Variants in MON1A observed in about 807,000 individuals in gnomAD.
MON1A encodes vacuolar fusion protein MON1 homolog A.
MON1A carries 29 observed loss-of-function variants against 44.6 expected under a neutral mutation model. That is an observed-to-expected ratio of 0.65 (90% CI 0.48 to 0.89). The LOEUF (loss-of-function observed/expected upper bound fraction) is 0.89, where lower values mean the gene tolerates loss of function less well. Among genes scored for constraint, MON1A ranks in the 40% least tolerant of loss-of-function variants. The pLI, the probability that MON1A is intolerant of heterozygous loss-of-function variation, is 0.00. For synonymous variants in MON1A, 275 were observed against 316.4 expected (o/e 0.87, Z 1.39); for missense variants, 615 against 759.6 (o/e 0.81, Z 2.24).
At position 49,929,416 on chromosome 3, in the gene MON1A, G is replaced by A. The variant is rs572709187; in HGVS notation, c.-14+193C>T. On this transcript the variant is annotated intron_variant, in intron 1 of 5. Coordinates refer to ENST00000296473, the MANE Select transcript of MON1A (RefSeq NM_032355.4). Reference sequence around the variant, plus strand: ...TCTCGCCCTCCCAGCCAAAGGATGGGTTCCAGATCTCGCCTTTTGTATTCC... The same window carrying A: ...TCTCGCCCTCCCAGCCAAAGGATGGATTCCAGATCTCGCCTTTTGTATTCC... 7 of 691,760 alleles carry A rather than the reference G, an allele frequency of 1.0e-5. No homozygotes were observed. The East Asian group carries it at 1.7e-4, about 16-fold the overall frequency. 42.9% of individuals were successfully genotyped at this position (691,760 alleles called of 1,614,324 possible). A position where few individuals can be genotyped will look rare whatever the true frequency, so the allele number is the denominator to read the frequency against.
At chr3:49,921,638 C>CTT (rs34960189) in intron 1 of MON1A, among the ~76,000 whole-genome samples, 15 of 129,784 alleles carry the variant, frequency 1.2e-4, no homozygotes, top group Non-Finnish European at 1.8e-4. Context: ...CGTGGTAGCA[C>CTT]TTTTTTTTTT....
Position 49,911,437 on chromosome 3 carries a change from C to G in MON1A, c.613+89G>C. Reference sequence around the variant, plus strand: ...CTTACCCTCAGTCACACAGCACATCCCAGCCCTCTGGTCTGCAGGGGTCCA... The same window carrying G: ...CTTACCCTCAGTCACACAGCACATCGCAGCCCTCTGGTCTGCAGGGGTCCA... On this transcript the variant is annotated intron_variant, in intron 3 of 5. Transcript: ENST00000296473. The surrounding 1 kb of genome is among the most constrained non-coding windows in gnomAD (Gnocchi z 5.7). 2.0e-6 allele frequency: 3 copies of G among 1,509,540 alleles called. No individual in the cohort carries two copies. The highest frequency in any genetic ancestry group is 2.7e-6 in the Non-Finnish European group (3 of 1,131,162). The allele number at this position is 1,509,540 out of a possible 1,614,324, so 93.5% of individuals were successfully genotyped here. A position where few individuals can be genotyped will look rare whatever the true frequency, so the allele number is the denominator to read the frequency against.
chr3:49,910,704 C>T lies in MON1A; in HGVS notation c.794G>A (p.Arg265Gln). The change falls in exon 4 of 6, where the codon CGG (arginine) becomes CAG (glutamine). Residue 265 changes from arginine (R) to glutamine (Q), a missense_variant. By Grantham distance (43) the Arg-to-Gln change is conservative (BLOSUM62 1). Coordinates refer to ENST00000296473, the MANE Select transcript of MON1A (RefSeq NM_032355.4). The surrounding 1 kb of genome is among the most constrained non-coding windows in gnomAD (Gnocchi z 8.0). ...IFQQKQNYDL[R>Q]RLLSGSERIT... Reference sequence around the variant, plus strand: ...GCGCTCTGAGCCCGAGAGTAGGCGCCGCAAATCATAGTTCTGCTTCTGCTG... The same window carrying T: ...GCGCTCTGAGCCCGAGAGTAGGCGCTGCAAATCATAGTTCTGCTTCTGCTG... 1.2e-6 allele frequency: 2 copies of T among 1,613,326 alleles called. No homozygotes were observed. The highest frequency in any genetic ancestry group is 1.7e-6 in the Non-Finnish European group (2 of 1,179,682).
chr3:49,909,422 T>G lies in MON1A; in HGVS notation c.1380-22A>C. 6.2e-7 allele frequency: 1 copy of G among 1,612,696 alleles called. No individual in the cohort carries two copies. The highest frequency in any genetic ancestry group is 1.1e-5 in the South Asian group (1 of 91,018). ...AGGGCTGCAGACAGGGTGGAGGGAGTGGGTTTGCAAAGGAATGACTTCCAC... is the reference window on the plus strand; with the variant it reads ...AGGGCTGCAGACAGGGTGGAGGGAGGGGGTTTGCAAAGGAATGACTTCCAC... On this transcript the variant is annotated intron_variant, in intron 4 of 5. Transcript: ENST00000296473. The surrounding 1 kb of genome is among the most constrained non-coding windows in gnomAD (Gnocchi z 4.0).
Position 49,911,731 on chromosome 3 carries a change from C to T in MON1A, c.408G>A (p.Arg136=). Residue 136 remains arginine (R), a synonymous_variant, in exon 3 of 6, where the codon AGG becomes AGA. Coordinates refer to ENST00000296473, the MANE Select transcript of MON1A (RefSeq NM_032355.4). This position sits in a 1 kb window ranked among gnomAD's most constrained non-coding sequence, Gnocchi z 5.7. ...AVGRPATEPP[R]EGTTEGDEED... is the part of the protein sequence containing the mutation. ...CCTCATCCCCCTCGGTTGTGCCCTCCCTGGGGGGCTCTGTGGCTGGTCGCC... is the reference window on the plus strand; with the variant it reads ...CCTCATCCCCCTCGGTTGTGCCCTCTCTGGGGGGCTCTGTGGCTGGTCGCC... The T allele has an allele frequency of 6.2e-7, 1 of 1,613,786 alleles. No individual in the cohort carries two copies. Among genetic ancestry groups the T allele is most frequent in the South Asian group, 1.1e-5 (1 of 91,078 alleles).
rs949033721 is a variant in MON1A, at chr3:49,913,020, G to A, written c.127+200C>T. ...ATGGCAGCCAGAAAGCTCAGGGCGA[G>A]CAGCATAACATGAAGTGGAGAGGAA... On this transcript the variant is annotated intron_variant, in intron 2 of 5. Transcript: ENST00000296473. The A allele has an allele frequency of 3.7e-5, 27 of 732,364 alleles. No individual in the cohort carries two copies. In the Admixed American group the frequency reaches 4.4e-4, roughly 12 times the overall value. 45.4% of individuals were successfully genotyped at this position (732,364 alleles called of 1,614,324 possible). A position where few individuals can be genotyped will look rare whatever the true frequency, so the allele number is the denominator to read the frequency against.
chr3:49,929,322 G>C, intron 1 of MON1A: 1 of 523,180 alleles, frequency 1.9e-6, no homozygotes, highest in Non-Finnish European at 3.4e-6. Context: ...CCGAATATGT[G>C]TACGTTTGTT....
Position 49,911,933 on chromosome 3 carries a change from G to A in MON1A, c.206C>T (p.Ser69Phe). The change falls in exon 3 of 6, where the codon TCT becomes TTT. Residue 69 changes from serine (S) to phenylalanine (F), a missense_variant. Ser to Phe is a radical substitution (Grantham distance 155). Transcript: ENST00000296473. This position sits in a 1 kb window ranked among gnomAD's most constrained non-coding sequence, Gnocchi z 5.7. ...GGTACCCTCCTTGTGGCTGTCCCCA[G>A]AAGCTGCCCCATCCTCTGACTCAGT... ...DLTESEDGAA[S>F]GDSHKEGTRG... 1.2e-6 allele frequency: 2 copies of A among 1,613,644 alleles called. No individual in the cohort carries two copies. Among genetic ancestry groups the A allele is most frequent in the Non-Finnish European group, 1.7e-6 (2 of 1,179,862 alleles).
intron 1 of MON1A, chr3:49,917,022 C>A (rs975880124): frequency 6.6e-6 from 1 of 152,286 alleles, no homozygotes; most frequent in Non-Finnish European, 1.5e-5. Flanking sequence ...CTGACAGTAC[C>A]AGGGTTGTGG....
intron 1 of MON1A, among the ~76,000 whole-genome samples, chr3:49,928,460 A>C (rs2083068966): frequency 6.6e-6 from 1 of 152,108 alleles, no homozygotes; most frequent in South Asian, 2.1e-4. Flanking sequence ...CCCCTCTAGA[A>C]GCCCCAGGCC....
rs746496174 is a variant in MON1A, at chr3:49,910,388, G to C, written c.1110C>G (p.Pro370=). Residue 370 remains proline (P), a synonymous_variant, in exon 4 of 6, where the codon CCC becomes CCG. Transcript: ENST00000296473. The surrounding 1 kb of genome is among the most constrained non-coding windows in gnomAD (Gnocchi z 8.0). ...EGEAWTPVCL[P]KFNAAGFFHA... ...GGAAGAAGCCGGCTGCGTTGAATTT[G>C]GGCAGGCACACGGGCGTCCAGGCCT... 1.2e-6 allele frequency: 2 copies of C among 1,614,218 alleles called. No individual in the cohort carries two copies. Among genetic ancestry groups the C allele is most frequent in the Admixed American group, 3.3e-5 (2 of 60,030 alleles).
rs2108529092 is a variant in MON1A, at chr3:49,910,089, T to C, written c.1379+30A>G. ...CCGACTCCACATGTCCCTGTCCCGCTACAGCAGTGCCCTCAAGGCCCTCCC... is the reference window on the plus strand; with the variant it reads ...CCGACTCCACATGTCCCTGTCCCGCCACAGCAGTGCCCTCAAGGCCCTCCC... On this transcript the variant is annotated intron_variant, in intron 4 of 5. Transcript: ENST00000296473. The surrounding 1 kb of genome is among the most constrained non-coding windows in gnomAD (Gnocchi z 8.0). 2 of 1,551,254 alleles carry C rather than the reference T, an allele frequency of 1.3e-6. No homozygotes were observed. Among genetic ancestry groups the C allele is most frequent in the South Asian group, 1.2e-5 (1 of 81,596 alleles).
Position 49,909,484 on chromosome 3 carries a change from C to G in MON1A, c.1380-84G>C, listed in dbSNP as rs1304277987. On this transcript the variant is annotated intron_variant, in intron 4 of 5. Coordinates refer to ENST00000296473, the MANE Select transcript of MON1A (RefSeq NM_032355.4). The surrounding 1 kb of genome is among the most constrained non-coding windows in gnomAD (Gnocchi z 4.0). ...GAGATTTAGAAACACCTATTCCTATCCAGGAAGACTCTATCTTATGTCCTA... is the reference window on the plus strand; with the variant it reads ...GAGATTTAGAAACACCTATTCCTATGCAGGAAGACTCTATCTTATGTCCTA... The G allele has an allele frequency of 6.5e-7, 1 of 1,545,694 alleles. No homozygotes were observed. The highest frequency in any genetic ancestry group is 1.4e-5 in the African/African-American group (1 of 73,238).
intron 1 of MON1A, among the ~76,000 whole-genome samples, chr3:49,928,221 G>C (rs953032696): frequency 6.6e-6 from 1 of 152,170 alleles, no homozygotes; most frequent in South Asian, 2.1e-4. Flanking sequence ...TCCTAGGTCA[G>C]TCTGGGGTCC....
Position 49,929,666 on chromosome 3 carries a change from A to G in MON1A, c.-71T>C. On this transcript the variant is annotated 5_prime_UTR_variant, in exon 1 of 6. Transcript: ENST00000296473. ...GGTGCCGGTCACTGCCCTCTGCCGG[A>G]CCCATGGAGGGGTAAGGGTGTCCGG... 1 of 1,551,220 alleles carries G rather than the reference A, an allele frequency of 6.4e-7. No homozygotes were observed. Among genetic ancestry groups the G allele is most frequent in the Non-Finnish European group, 8.7e-7 (1 of 1,146,890 alleles).
At chr3:49,923,137 C>T (rs1233008943) in intron 1 of MON1A, among the ~76,000 whole-genome samples, 12 of 151,784 alleles carry the variant, frequency 7.9e-5, no homozygotes, top group African/African-American at 2.9e-4. Context: ...GTCAGGCGAT[C>T]GAGACCATGC....
rs150303539 is a variant in MON1A at position 49,911,691 on chromosome 3, C to T, written c.448G>A (p.Ala150Thr). The change falls in exon 3 of 6, where the codon GCA becomes ACA. Residue 150 changes from alanine to threonine, a missense_variant. Transcript: ENST00000296473. The surrounding 1 kb of genome is among the most constrained non-coding windows in gnomAD (Gnocchi z 5.7). ...ACATGCTTCTGGTGCAGGCGCCATG[C>T]CTCCGTGGCATCCTCCTCATCCCCC... is the stretch of plus-strand genomic sequence containing the variant. ...TEGDEEDATE[A>T]WRLHQKHVFV... 144 of 1,614,116 alleles carry T rather than the reference C, an allele frequency of 8.9e-5. 1 individual carries two copies. The African/African-American group carries it at 1.7e-3, about 19-fold the overall frequency.
At chr3:49,919,855 G>GCTCCATTC in intron 1 of MON1A, among the ~76,000 whole-genome samples, 1 of 152,262 alleles carries the variant, frequency 6.6e-6, no homozygotes, top group African/African-American at 2.4e-5. Context: ...TCCCTTCCAA[G>GCTCCATTC]CAGTGATTCA....
In MON1A at chr3:49,918,403, A is replaced by G. The variant is rs146402722; in HGVS notation, c.-13-5044T>C. ...ACCACGAGCTTACCTCATCTGCCAG[A>G]ATAGGCCTTCCCTCTTTTTTTTTTT... is the stretch of plus-strand genomic sequence containing the variant. On this transcript the variant is annotated intron_variant, in intron 1 of 5. Transcript: ENST00000296473. 6.4e-3 allele frequency among the ~76,000 whole-genome samples: 979 copies of G among 151,800 alleles called. 16 individuals carry two copies. The highest frequency in any genetic ancestry group is 3.9e-3 in the Non-Finnish European group (262 of 67,870).
Sources: allele counts gnomAD v4.1 joint callset (sites outside exome capture counted in the v4.1 genomes callset), GRCh38; gene constraint gnomAD v4.1.1; non-coding constraint Gnocchi (gnomAD v3.1); transcripts MANE v1.5; gene names NCBI Gene and HGNC (gene_info 2026-07-23, HGNC 2026-07-21).